E2F6: variants seen among roughly 807,000 people sequenced by gnomAD.
The protein encoded by E2F6 is transcription factor E2F6.
Under a neutral mutation model 31.5 loss-of-function variants are expected in E2F6, and 19 were observed. The observed-to-expected ratio is 0.60, with a 90% CI of 0.42 to 0.89. The LOEUF (loss-of-function observed/expected upper bound fraction) is 0.89. E2F6 is among the 40% of genes least tolerant of loss of function. The pLI, the probability that E2F6 is intolerant of heterozygous loss-of-function variation, is 0.00. For synonymous variants in E2F6, 121 were observed against 127.7 expected, an observed-to-expected ratio of 0.95 and a Z score of 0.36; for missense variants, 269 against 341.6, an observed-to-expected ratio of 0.79 and a Z score of 1.67.
chr2:11,461,951 A>G (rs546930482), intron 1 of E2F6, among the ~76,000 whole-genome samples: 2 of 152,384 alleles, frequency 1.3e-5, no homozygotes, highest in Non-Finnish European at 2.9e-5. Flanking sequence ...TGCCTCTTAT[A>G]AGCAGTGAAT....
At chr2:11,447,877 T>C (rs1281687311) in intron 5 of E2F6, 103 bp from the exon 6 acceptor site, 8 of 1,358,510 alleles carry the variant, frequency 5.9e-6, no homozygotes, top group African/African-American at 1.5e-5. Flanking sequence ...AAAATCACCT[T>C]AGCTGTAGTC....
In E2F6 at chr2:11,453,654, A is replaced by T; in HGVS notation, c.308T>A (p.Val103Glu). 1 of 1,614,004 alleles carries T rather than the reference A, an allele frequency of 6.2e-7. No individual in the cohort carries two copies. Among genetic ancestry groups the T allele is most frequent in the Non-Finnish European group, 8.5e-7 (1 of 1,180,006 alleles). ...ATCTAAGACATTGGTGATGTCATAC[A>T]CTCTCCGCTTTCGGACTCCCAGTTT... ...ATKLGVRKRR[V>E]YDITNVLDGI... The change falls in exon 3 of 7, where the codon GTG becomes GAG. Residue 103 changes from valine to glutamate, a missense_variant. Coordinates refer to ENST00000381525, the MANE Select transcript of E2F6 (RefSeq NM_198256.4).
At chr2:11,463,849 T>A (rs76588463) in intron 1 of E2F6, among the ~76,000 whole-genome samples, 2,123 of 146,416 alleles carry the variant, frequency 0.014, 24 homozygotes, top group Non-Finnish European at 0.022. Flanking sequence ...TACTTGGGAG[T>A]TGGAGGCAGA....
In E2F6 at chr2:11,447,821, A is replaced by AT. The variant is rs1670818303; in HGVS notation, c.652-48dup. The AT allele has an allele frequency of 5.7e-6, 9 of 1,578,984 alleles. No individual in the cohort carries two copies. The East Asian group carries it at 1.6e-4, about 28-fold the overall frequency. On this transcript the variant is annotated intron_variant, in intron 5 of 6. Transcript: ENST00000381525. ...GTCAAGATGAATGAAATAATAAATC[A>AT]TATTTTTTCACTCACTAGAACTGCA... is the stretch of plus-strand genomic sequence containing the variant.
chr2:11,447,855 G>T (rs114855961), intron 5 of E2F6, 81 bp from the exon 6 acceptor site: 2 of 1,473,896 alleles, frequency 1.4e-6, no homozygotes, highest in Non-Finnish European at 1.8e-6. Flanking sequence ...CAAAAATTTC[G>T]AGACATTTGA....
At chr2:11,450,330 G>C (rs946464132) in intron 4 of E2F6, among the ~76,000 whole-genome samples, 11 of 151,910 alleles carry the variant, frequency 7.2e-5, no homozygotes, top group African/African-American at 2.4e-4. Context: ...TTTTATGAAG[G>C]GTTTTACAAT....
intron 1 of E2F6, among the ~76,000 whole-genome samples, chr2:11,457,478 C>T (rs1279149490): frequency 9.2e-5 from 14 of 152,080 alleles, no homozygotes; most frequent in Admixed American, 8.5e-4. Context: ...CAAAAATTAG[C>T]CGGGCGTGGT....
At chr2:11,453,515 T>C (rs1272550985) in intron 3 of E2F6, 67 bp downstream of exon 3, 8 of 1,432,950 alleles carry the variant, frequency 5.6e-6, no homozygotes, top group Non-Finnish European at 7.8e-6. Flanking sequence ...CACTATCTAG[T>C]TTAAGCATGG....
At chr2:11,454,050 G>A (rs553736452) in intron 2 of E2F6, among the ~76,000 whole-genome samples, 39 of 152,146 alleles carry the variant, frequency 2.6e-4, no homozygotes, top group Non-Finnish European at 4.3e-4. Flanking sequence ...AGTGTCCACC[G>A]AACATGTGGA....
At chr2:11,459,851 T>G (rs1671657910) in intron 1 of E2F6, among the ~76,000 whole-genome samples, 1 of 151,688 alleles carries the variant, frequency 6.6e-6, no homozygotes, top group African/African-American at 2.4e-5. Flanking sequence ...GCCATTGCAC[T>G]CCAGCCCAGA....
intron 2 of E2F6, 26 bp downstream of exon 2, chr2:11,457,153 T>C: frequency 6.6e-7 from 1 of 1,512,962 alleles, no homozygotes; most frequent in Non-Finnish European, 9.1e-7. Context: ...TAACAAAACC[T>C]AAAACCTATT....
chr2:11,452,047 G>T (rs1454600891), intron 3 of E2F6, among the ~76,000 whole-genome samples: 1 of 152,134 alleles, frequency 6.6e-6, no homozygotes, highest in East Asian at 1.9e-4. Context: ...CAACCTAACA[G>T]AAATTAATAA....
rs762502753 is a variant in E2F6, at chr2:11,465,799, T to G, written c.81A>C (p.Arg27=). 4 of 1,600,822 alleles carry G rather than the reference T, an allele frequency of 2.5e-6. No individual in the cohort carries two copies. The African/African-American group carries it at 5.4e-5, about 21-fold the overall frequency. ...GCAGGCCCTCCACGTTGATGGGGTC[T>G]CGGCACCGACGGCGAACCGTCTCCT... ...PTEETVRRRC[R]DPINVEGLLP... The change falls in exon 1 of 7, where the codon CGA becomes CGC. Residue 27 remains arginine (R), a synonymous_variant. Coordinates refer to ENST00000381525, the MANE Select transcript of E2F6 (RefSeq NM_198256.4).
chr2:11,446,882 G>A (rs1029062077), intron 6 of E2F6, among the ~76,000 whole-genome samples: 17 of 152,190 alleles, frequency 1.1e-4, no homozygotes, highest in African/African-American at 4.1e-4. Flanking sequence ...GTCATTACAG[G>A]TATTCTTCGT....
In E2F6 at chr2:11,451,831, AT is replaced by A; in HGVS notation, c.381-26del. 4 of 1,596,036 alleles carry A rather than the reference AT, an allele frequency of 2.5e-6. No individual in the cohort carries two copies. The East Asian group carries it at 9.0e-5, about 36-fold the overall frequency. ...TCTTTAGAAGAAAAAAAATGTCAGC[AT>A]CAATACCAACTAGGAGATAACAAAG... On this transcript the variant is annotated intron_variant, in intron 3 of 6. Transcript: ENST00000381525.
chr2:11,465,251 C>T (rs539442352), intron 1 of E2F6, among the ~76,000 whole-genome samples: 1 of 151,058 alleles, frequency 6.6e-6, no homozygotes, highest in South Asian at 2.1e-4. Flanking sequence ...CCCTGATAAC[C>T]GCGGGGAATA....
intron 1 of E2F6, 139 bp downstream of exon 1, chr2:11,465,633 C>T: frequency 6.3e-6 from 5 of 797,130 alleles, no homozygotes; most frequent in South Asian, 3.3e-5. Context: ...GAGCGCAGTT[C>T]GCAGCACGTG....
At chr2:11,455,597 T>G (rs1406023442) in intron 2 of E2F6, 9 of 512,024 alleles carry the variant, frequency 1.8e-5, no homozygotes, top group Admixed American at 1.0e-4. Flanking sequence ...AAAAAGCATA[T>G]ATTTAATTAT....
Position 11,454,440 on chromosome 2 carries a change from C to T in E2F6, c.164-642G>A, listed in dbSNP as rs142186224. The stretch of plus-strand genomic sequence containing the variant: ...CGCGATCCTGGCTCACTGCAACCTC[C>T]GCCTCCAGGGTTCAAGTAATTCTCC... On this transcript the variant is annotated intron_variant, in intron 2 of 6. Transcript: ENST00000381525. Among the ~76,000 whole-genome samples, 147 of 151,872 alleles carry T rather than the reference C, an allele frequency of 9.7e-4. 1 individual carries two copies. The highest frequency in any genetic ancestry group is 1.7e-3 in the Non-Finnish European group (117 of 67,938).
Sources: gnomAD v4.1 joint callset for allele counts (sites outside exome capture counted in the v4.1 genomes callset) on GRCh38, gnomAD v4.1.1 for gene constraint, MANE v1.5 for transcripts, NCBI Gene and HGNC (gene_info 2026-07-23, HGNC 2026-07-21) for gene names.